ACKR3: variants seen among roughly 807,000 people sequenced by gnomAD.
The protein encoded by ACKR3 is C-X-C chemokine receptor type 7.
In ACKR3, 6 loss-of-function variants were observed where a neutral mutation model predicts 22.4. The ratio of observed to expected loss-of-function variants is 0.27; its 90% CI spans 0.15 to 0.53. The LOEUF (loss-of-function observed/expected upper bound fraction) is 0.53. Ranked by LOEUF, ACKR3 falls within the 20% of genes least tolerant of loss-of-function variation. The probability of loss-of-function intolerance (pLI) is 0.96; values close to 1 mark genes in which losing one functional copy is unlikely to be tolerated. For synonymous variants in ACKR3, 209 were observed against 205.2 expected (o/e 1.02, Z -0.16); for missense variants, 396 against 475.2 (o/e 0.83, Z 1.55).
chr2:236,577,633 TGGCC>T lies in ACKR3; in HGVS notation c.-26-2806_-26-2803del, dbSNP rs759637934. ...CCATGCTGAGCAGTGGCCAGGCGCC[TGGCC>T]AGCCGGCATCTGACATGTCTCTACA... On this transcript the variant is annotated intron_variant, in intron 1 of 1. Transcript: ENST00000272928. The surrounding 1 kb of genome is among the most constrained non-coding windows in gnomAD (Gnocchi z 5.6). Among the ~76,000 whole-genome samples the T allele has an allele frequency of 2.6e-4, 40 of 151,788 alleles. No individual in the cohort carries two copies. The highest frequency in any genetic ancestry group is 5.4e-4 in the Non-Finnish European group (37 of 67,950).
chr2:236,556,067 G>GAGGGTGTCC, the ACKR3 span, among the ~76,000 whole-genome samples: 3 of 152,298 alleles, frequency 2.0e-5, no homozygotes, highest in East Asian at 5.8e-4. Flanking sequence ...GTGGGGTGAG[G>GAGGGTGTCC]AGGGTGTCCA....
chr2:236,545,887 C>T, the ACKR3 span, among the ~76,000 whole-genome samples: 5 of 152,130 alleles, frequency 3.3e-5, no homozygotes, highest in Non-Finnish European at 4.4e-5. The surrounding 1 kb of genome is among the most constrained non-coding windows in gnomAD (Gnocchi z 5.3). Context: ...ACACCGAAAA[C>T]ATACGGCGTA....
chr2:236,555,910 G>A, the ACKR3 span, among the ~76,000 whole-genome samples: 24 of 152,202 alleles, frequency 1.6e-4, no homozygotes, highest in Non-Finnish European at 3.2e-4. Context: ...GCTAGAACTG[G>A]GAATTTGTTG....
the ACKR3 span, among the ~76,000 whole-genome samples, chr2:236,550,248 T>C: frequency 6.6e-6 from 1 of 152,196 alleles, no homozygotes; most frequent in African/African-American, 2.4e-5. This position sits in a 1 kb window ranked among gnomAD's most constrained non-coding sequence, Gnocchi z 4.6. Flanking sequence ...CTGCCCCTGG[T>C]GTCCACTGGA....
At chr2:236,551,947 C>T in the ACKR3 span, among the ~76,000 whole-genome samples, 5 of 152,130 alleles carry the variant, frequency 3.3e-5, no homozygotes, top group African/African-American at 1.2e-4. Context: ...CAGCTCTGGT[C>T]GGCCTGCTTG....
the ACKR3 span, among the ~76,000 whole-genome samples, chr2:236,538,469 A>G: frequency 0.022 from 3,325 of 152,260 alleles, 130 homozygotes; most frequent in African/African-American, 0.076. Context: ...CCTTGGATGG[A>G]TGGCAAGACT....
At chr2:236,551,729 C>G in the ACKR3 span, among the ~76,000 whole-genome samples, 4 of 152,234 alleles carry the variant, frequency 2.6e-5, no homozygotes, top group African/African-American at 7.2e-5. Context: ...TGTTATACTT[C>G]TCCTTTTCAG....
chr2:236,566,336 G>T (rs1039903734), upstream of ACKR3, among the ~76,000 whole-genome samples: 2 of 152,182 alleles, frequency 1.3e-5, 1 homozygote, highest in South Asian at 4.1e-4. Context: ...TTAGTTCTGG[G>T]TCAGCTGGGA....
At position 236,582,067 on chromosome 2, in the gene ACKR3, TA is replaced by T. The variant is rs1050958442; in HGVS notation, c.*514del. ...AATTGTTAGCTGTTTTGAAATTATA[TA>T]TATATAAATATATATAAATATATAA... On this transcript the variant is annotated 3_prime_UTR_variant, in exon 2 of 2. Transcript: ENST00000272928. The T allele has an allele frequency of 3.1e-5, 5 of 159,538 alleles. No individual in the cohort carries two copies. Among genetic ancestry groups the T allele is most frequent in the African/African-American group, 1.2e-4 (5 of 40,574 alleles). 9.9% of individuals were successfully genotyped at this position (159,538 alleles called of 1,614,324 possible). A position where few individuals can be genotyped will look rare whatever the true frequency, so the allele number is the denominator to read the frequency against.
the ACKR3 span, among the ~76,000 whole-genome samples, chr2:236,556,254 G>T: frequency 6.6e-6 from 1 of 152,212 alleles, no homozygotes. Flanking sequence ...CTTGTGTGCA[G>T]CCAGGGTGGC....
At chr2:236,572,727 T>C (rs1559471499) in intron 1 of ACKR3, among the ~76,000 whole-genome samples, 2 of 152,208 alleles carry the variant, frequency 1.3e-5, no homozygotes, top group African/African-American at 4.8e-5. Flanking sequence ...CCTGCTCTTG[T>C]GGGTATAGCT....
upstream of ACKR3, among the ~76,000 whole-genome samples, chr2:236,563,904 C>A (rs2106493239): frequency 6.6e-6 from 1 of 152,312 alleles, no homozygotes; most frequent in African/African-American, 2.4e-5. Context: ...TCCCTCCTAC[C>A]ACCCAGCAGC....
chr2:236,549,285 C>A, the ACKR3 span, among the ~76,000 whole-genome samples: 57 of 152,230 alleles, frequency 3.7e-4, no homozygotes, highest in Non-Finnish European at 6.2e-4. The surrounding 1 kb of genome is among the most constrained non-coding windows in gnomAD (Gnocchi z 5.3). Flanking sequence ...GCCTGCTCCA[C>A]GGTCCCTCCT....
the ACKR3 span, among the ~76,000 whole-genome samples, chr2:236,539,597 G>A: frequency 6.6e-6 from 1 of 152,102 alleles, no homozygotes; most frequent in African/African-American, 2.4e-5. Flanking sequence ...ATAGGCATGA[G>A]CATCCGCCTT....
chr2:236,548,279 G>A, the ACKR3 span, among the ~76,000 whole-genome samples: 12 of 152,086 alleles, frequency 7.9e-5, no homozygotes, highest in African/African-American at 2.9e-4. This position sits in a 1 kb window ranked among gnomAD's most constrained non-coding sequence, Gnocchi z 4.3. Context: ...AATGGTTTGA[G>A]GCCTAGGTTG....
At chr2:236,564,417 G>A, upstream of ACKR3, among the ~76,000 whole-genome samples, 1 of 152,130 alleles carries the variant, frequency 6.6e-6, no homozygotes, top group East Asian at 1.9e-4. Flanking sequence ...TGTGCATTTT[G>A]CTCAATTTTT....
the ACKR3 span, among the ~76,000 whole-genome samples, chr2:236,543,941 GTATATATATATATATATATATATATATA>G: frequency 9.3e-3 from 537 of 57,812 alleles, 21 homozygotes; most frequent in Non-Finnish European, 0.017. Context: ...TGGGAGAAGG[GTATATATATATATATATATATATATATA>G]TATATATATA....
chr2:236,562,229 G>A, the ACKR3 span, among the ~76,000 whole-genome samples: 1 of 152,140 alleles, frequency 6.6e-6, no homozygotes, highest in South Asian at 2.1e-4. Context: ...TTTGTCAAAT[G>A]CTTTATTTTA....
chr2:236,565,604 G>A (rs1691162173), upstream of ACKR3, among the ~76,000 whole-genome samples: 1 of 152,072 alleles, frequency 6.6e-6, no homozygotes, highest in Admixed American at 6.5e-5. Flanking sequence ...TACTTCTTTG[G>A]GGTCTTCATT....
Sources: allele counts gnomAD v4.1 joint callset (sites outside exome capture counted in the v4.1 genomes callset), GRCh38; gene constraint gnomAD v4.1.1; non-coding constraint Gnocchi (gnomAD v3.1); transcripts MANE v1.5; gene names NCBI Gene and HGNC (gene_info 2026-07-23, HGNC 2026-07-21).